The following GALM variants were observed in gnomAD, a reference collection of about 807,000 sequenced individuals.
GALM encodes the protein galactose mutarotase.
Under a neutral mutation model 37.4 loss-of-function variants are expected in GALM, and 43 were observed. The ratio of observed to expected loss-of-function variants is 1.15; its 90% CI spans 0.90 to 1.48. GALM has a LOEUF of 1.48. Ranked by LOEUF, GALM falls within the 40% of genes most tolerant of loss-of-function variation. GALM has a pLI of 0.00. For synonymous variants in GALM, 199 were observed against 170.6 expected (o/e 1.17, Z -1.30); for missense variants, 456 against 419.1 (o/e 1.09, Z -0.77).
At chr2:38,688,450 G>T (rs531440148) in intron 3 of GALM, among the ~76,000 whole-genome samples, 1 of 151,998 alleles carries the variant, frequency 6.6e-6, no homozygotes, top group Non-Finnish European at 1.5e-5. Flanking sequence ...GGCGGAGGTT[G>T]CAGTGAGCCG....
intron 4 of GALM, among the ~76,000 whole-genome samples, chr2:38,719,433 C>T (rs1288008874): frequency 1.4e-5 from 2 of 145,442 alleles, no homozygotes; most frequent in African/African-American, 5.1e-5. Context: ...CACGCCACTG[C>T]ACTGCAGCCT....
Position 38,689,764 on chromosome 2 carries a change from T to C in GALM, c.553-49T>C, listed in dbSNP as rs11687518. 0.3 allele frequency: 328,893 copies of C among 1,080,260 alleles called. 53,743 individuals are homozygous for C. The highest frequency in any genetic ancestry group is 0.33 in the Non-Finnish European group (243,220 of 729,458). 66.9% of individuals were successfully genotyped at this position (1,080,260 alleles called of 1,614,324 possible). Reference sequence around the variant, plus strand: ...TGCAAGATAAGTTAAAAAACAAATATATGAAATAAGACTAAGCAGAAAACC... The same window carrying C: ...TGCAAGATAAGTTAAAAAACAAATACATGAAATAAGACTAAGCAGAAAACC... On this transcript the variant is annotated intron_variant, in intron 3 of 6. Transcript: ENST00000272252.
chr2:38,671,560 G>C (rs1665100810), intron 1 of GALM: 1 of 152,206 alleles, frequency 6.6e-6, no homozygotes, highest in Non-Finnish European at 1.5e-5. Flanking sequence ...ACCTCCACCA[G>C]GTGGGATTAC....
intron 3 of GALM, among the ~76,000 whole-genome samples, chr2:38,686,141 C>T (rs980960457): frequency 2.6e-5 from 4 of 151,102 alleles, no homozygotes; most frequent in Admixed American, 2.0e-4. Context: ...ATCTCAGGCT[C>T]ATCAGTTTAT....
At chr2:38,711,261 G>A (rs1360102214) in intron 4 of GALM, among the ~76,000 whole-genome samples, 1 of 151,154 alleles carries the variant, frequency 6.6e-6, no homozygotes, top group Non-Finnish European at 1.5e-5. Context: ...CCAGGTTCAA[G>A]CGATTCTCCT....
intron 5 of GALM, 77 bp from the exon 6 acceptor site, chr2:38,731,658 C>A: frequency 8.9e-7 from 1 of 1,127,888 alleles, no homozygotes; most frequent in Non-Finnish European, 1.3e-6. Flanking sequence ...ATTCCTGTCT[C>A]AAAGCCGCTT....
chr2:38,732,094 C>A (rs891715334), intron 6 of GALM, among the ~76,000 whole-genome samples, 185 bp downstream of exon 6: 1 of 152,130 alleles, frequency 6.6e-6, no homozygotes, highest in South Asian at 2.1e-4. Flanking sequence ...GATCTCAGCT[C>A]ACTGCAACCT....
intron 4 of GALM, among the ~76,000 whole-genome samples, chr2:38,716,467 G>A (rs1965752): frequency 0.97 from 148,222 of 152,308 alleles, 72,152 homozygotes; most frequent in African/African-American, 0.99. Context: ...TGTGATGAAT[G>A]GCACTATAAG....
At chr2:38,733,014 A>G (rs1666636600) in intron 6 of GALM, among the ~76,000 whole-genome samples, 2 of 151,662 alleles carry the variant, frequency 1.3e-5, no homozygotes, top group South Asian at 2.1e-4. Context: ...TGAGGTCAGG[A>G]GTTCGAGACC....
chr2:38,691,500 TG>T (rs1285377080), intron 4 of GALM, among the ~76,000 whole-genome samples: 3 of 151,398 alleles, frequency 2.0e-5, no homozygotes, highest in Non-Finnish European at 4.4e-5. Context: ...TGCAACACAG[TG>T]AGATCCCATC....
chr2:38,681,565 G>A (rs781170532), intron 3 of GALM, 79 bp downstream of exon 3: 2 of 1,243,790 alleles, frequency 1.6e-6, no homozygotes, highest in Non-Finnish European at 2.4e-6. Context: ...TCAGAGTAGT[G>A]TGGAATTGCT....
At chr2:38,729,719 G>T in intron 5 of GALM, 22 bp downstream of exon 5, 1 of 1,593,656 alleles carries the variant, frequency 6.3e-7, no homozygotes, top group South Asian at 1.1e-5. Context: ...TTCACTTCCT[G>T]AGTCTGTAAG....
At chr2:38,681,680 G>T (rs1665400297) in intron 3 of GALM, among the ~76,000 whole-genome samples, 194 bp downstream of exon 3, 1 of 152,222 alleles carries the variant, frequency 6.6e-6, no homozygotes, top group Non-Finnish European at 1.5e-5. Context: ...TGATTACATT[G>T]TACTGCCAAG....
At chr2:38,697,290 C>T (rs1665831807) in intron 4 of GALM, among the ~76,000 whole-genome samples, 1 of 152,104 alleles carries the variant, frequency 6.6e-6, no homozygotes, top group Non-Finnish European at 1.5e-5. Flanking sequence ...ACAAATTACA[C>T]AGCTTCTATT....
intron 4 of GALM, among the ~76,000 whole-genome samples, chr2:38,706,028 C>T (rs1386367607): frequency 6.6e-6 from 1 of 150,504 alleles, no homozygotes; most frequent in Non-Finnish European, 1.5e-5. Flanking sequence ...TTTTTTGAGA[C>T]AAAGTCTCAC....
intron 3 of GALM, chr2:38,682,130 G>A (rs1280742282): frequency 4.0e-6 from 1 of 251,328 alleles, no homozygotes; most frequent in Admixed American, 3.9e-5. Context: ...ACCCAGCAGA[G>A]GGATAAACCC....
At chr2:38,714,457 C>G (rs1186592372) in intron 4 of GALM, among the ~76,000 whole-genome samples, 1 of 152,038 alleles carries the variant, frequency 6.6e-6, no homozygotes, top group Non-Finnish European at 1.5e-5. Flanking sequence ...TCAAGTGATC[C>G]GCCCACCTCA....
rs1666651158 is a variant in GALM, at chr2:38,733,630, A to G, written c.*65A>G. On this transcript the variant is annotated 3_prime_UTR_variant, in exon 7 of 7. Coordinates refer to ENST00000272252, the MANE Select transcript of GALM (RefSeq NM_138801.3). ...GCCACCTGTCTCCTGTCCAGAAAAA[A>G]GGTGAAGATTAAGAAGCTTTCAGAA... is the stretch of plus-strand genomic sequence containing the variant. 6.9e-6 allele frequency: 8 copies of G among 1,164,600 alleles called. No homozygotes were observed. Among genetic ancestry groups the G allele is most frequent in the Non-Finnish European group, 1.0e-5 (8 of 772,426 alleles). 72.1% of individuals were successfully genotyped at this position (1,164,600 alleles called of 1,614,324 possible).
At chr2:38,696,149 C>T (rs1233223494) in intron 4 of GALM, among the ~76,000 whole-genome samples, 5 of 150,806 alleles carry the variant, frequency 3.3e-5, no homozygotes, top group East Asian at 2.0e-4. Flanking sequence ...GACAGAGTTT[C>T]GCTCTTGTTG....
Sources: allele counts gnomAD v4.1 joint callset (sites outside exome capture counted in the v4.1 genomes callset), GRCh38; gene constraint gnomAD v4.1.1; transcripts MANE v1.5; gene names NCBI Gene and HGNC (gene_info 2026-07-23, HGNC 2026-07-21).